TUG1: variants seen among roughly 807,000 people sequenced by gnomAD.
The protein encoded by TUG1 is taurine up-regulated 1, also known as taurine upregulated gene 1.
chr22:30,974,120 C>T (rs1189294920), intron 2 of TUG1: 3 of 152,054 alleles, frequency 2.0e-5, no homozygotes, highest in African/African-American at 7.3e-5. Context: ...ATGGTCCTAT[C>T]TTTGCAAACT....
chr22:30,974,094 C>T (rs2041259932), intron 2 of TUG1: 1 of 152,088 alleles, frequency 6.6e-6, no homozygotes, highest in Non-Finnish European at 1.5e-5. Flanking sequence ...TATTCCTGGG[C>T]CCTAAGAGCT....
chr22:30,975,278 T>C (rs2041275515), exon 3 of TUG1: 1 of 152,228 alleles, frequency 6.6e-6, no homozygotes, highest in Non-Finnish European at 1.5e-5. Context: ...GTGAAGCTGC[T>C]CTGGATGAAG....
exon 1 of TUG1, chr22:30,971,006 T>C (rs992556721): frequency 6.6e-6 from 1 of 152,202 alleles, no homozygotes; most frequent in South Asian, 2.1e-4. Flanking sequence ...AGTTTTTGCT[T>C]CTTTGTTAGT....
chr22:30,969,853 G>A (rs1214004462), exon 1 of TUG1: 1 of 152,298 alleles, frequency 6.6e-6, no homozygotes, highest in Non-Finnish European at 1.5e-5. Flanking sequence ...GCCCCGGGGT[G>A]GGGAGACGAG....
At chr22:30,974,575 A>T (rs1237213320) in intron 2 of TUG1, 1 of 152,198 alleles carries the variant, frequency 6.6e-6, no homozygotes, top group Non-Finnish European at 1.5e-5. Flanking sequence ...ATACCTTCTT[A>T]TTAATGGTTG....
At chr22:30,978,074 C>T (rs996684890) in exon 3 of TUG1, 2 of 152,132 alleles carry the variant, frequency 1.3e-5, no homozygotes, top group Non-Finnish European at 2.9e-5. Flanking sequence ...ACCAGTTCAA[C>T]CTAGCAAAAG....
exon 1 of TUG1, chr22:30,969,664 G>T: frequency 6.5e-6 from 1 of 152,740 alleles, no homozygotes; most frequent in South Asian, 1.9e-4. Flanking sequence ...GCGGGATTTG[G>T]AGCGGCCGGG....
chr22:30,972,466 G>A (rs560742070), intron 1 of TUG1: 2 of 152,248 alleles, frequency 1.3e-5, no homozygotes, highest in South Asian at 4.1e-4. Flanking sequence ...AGGAAGAGGG[G>A]CAATGTCTCC....
chr22:30,975,127 G>A (rs1331840323), intron 2 of TUG1, 43 bp from the exon 3 acceptor site: 1 of 152,218 alleles, frequency 6.6e-6, no homozygotes, highest in Non-Finnish European at 1.5e-5. Context: ...CACAGGCTTT[G>A]CTTACAGTTT....
exon 3 of TUG1, chr22:30,976,170 C>G (rs1020428358): frequency 2.0e-5 from 3 of 151,946 alleles, no homozygotes; most frequent in Non-Finnish European, 4.4e-5. Context: ...AGTTGAACTT[C>G]AAGCGACAAT....
At chr22:30,969,927 G>A (rs2041207275) in exon 1 of TUG1, 1 of 152,248 alleles carries the variant, frequency 6.6e-6, no homozygotes, top group Non-Finnish European at 1.5e-5. Context: ...AGTGACCTTA[G>A]GCGAGTCACT....
At chr22:30,969,871 G>A (rs997283545) in exon 1 of TUG1, 1 of 152,306 alleles carries the variant, frequency 6.6e-6, no homozygotes, top group African/African-American at 2.4e-5. Context: ...GAGCTCCGGA[G>A]TCGGAAGAGC....
exon 3 of TUG1, chr22:30,979,239 C>T (rs2147377399): frequency 6.6e-6 from 1 of 152,146 alleles, no homozygotes; most frequent in Non-Finnish European, 1.5e-5. Context: ...AATGTGTGTG[C>T]TTATGTTTAT....
intron 2 of TUG1, chr22:30,974,194 T>C (rs1356890865): frequency 2.0e-5 from 3 of 152,066 alleles, no homozygotes; most frequent in Non-Finnish European, 4.4e-5. Context: ...TGTGTGTAAA[T>C]ATGACATGGA....
At chr22:30,975,906 A>G (rs1308197704) in exon 3 of TUG1, 1 of 151,540 alleles carries the variant, frequency 6.6e-6, no homozygotes, top group Non-Finnish European at 1.5e-5. Flanking sequence ...GCCAAATTCA[A>G]ATACTGGCAA....
At chr22:30,975,366 C>G (rs1329377545) in exon 3 of TUG1, 1 of 152,194 alleles carries the variant, frequency 6.6e-6, no homozygotes, top group Non-Finnish European at 1.5e-5. Flanking sequence ...AAGGGGACTT[C>G]CTTACAACAC....
chr22:30,979,266 C>G (rs978786815), exon 3 of TUG1: 6 of 152,152 alleles, frequency 3.9e-5, no homozygotes, highest in Non-Finnish European at 8.8e-5. Flanking sequence ...ATAGAAAGGT[C>G]TATTCACAGC....
exon 1 of TUG1, chr22:30,970,954 T>G (rs1464868124): frequency 1.3e-5 from 2 of 152,236 alleles, no homozygotes; most frequent in East Asian, 3.8e-4. Flanking sequence ...CTCCTTGTGT[T>G]CTAATTGCTT....
chr22:30,971,668 A>G (rs2041231684), exon 1 of TUG1: 1 of 153,170 alleles, frequency 6.5e-6, no homozygotes, highest in Non-Finnish European at 1.5e-5. Flanking sequence ...GAGAAAAGAG[A>G]CAACGACTGA....
Sources: gnomAD v4.1 joint callset for allele counts on GRCh38, gnomAD v4.1.1 for gene constraint, MANE v1.5 for transcripts, NCBI Gene and HGNC (gene_info 2026-07-23, HGNC 2026-07-21) for gene names.